ENOX1: variants seen among roughly 807,000 people sequenced by gnomAD.
ENOX1 encodes candidate growth-related and time keeping constitutive hydroquinone (NADH) oxidase.
Under a neutral mutation model 82.5 loss-of-function variants are expected in ENOX1, and 42 were observed. The ratio of observed to expected loss-of-function variants is 0.51; its 90% CI spans 0.40 to 0.66. The LOEUF (loss-of-function observed/expected upper bound fraction) is 0.66. Among genes scored for constraint, ENOX1 ranks in the 30% least tolerant of loss-of-function variants. The pLI is 0.00. For synonymous variants in ENOX1, 271 were observed against 282.2 expected, an observed-to-expected ratio of 0.96 and a Z score of 0.40; for missense variants, 608 against 811.6, an observed-to-expected ratio of 0.75 and a Z score of 3.05.
At chr13:43,261,108 G>A (rs2044031015) in intron 14 of ENOX1, among the ~76,000 whole-genome samples, 1 of 152,154 alleles carries the variant, frequency 6.6e-6, no homozygotes, top group Non-Finnish European at 1.5e-5. Flanking sequence ...GGCAAGGGTT[G>A]GGCTTTTTAA....
intron 3 of ENOX1, among the ~76,000 whole-genome samples, chr13:43,417,322 G>C (rs967879968): frequency 2.6e-5 from 4 of 152,026 alleles, no homozygotes; most frequent in Non-Finnish European, 4.4e-5. Flanking sequence ...CATGTGCCTG[G>C]GATGGTGATT....
intron 2 of ENOX1, among the ~76,000 whole-genome samples, chr13:43,563,599 C>T (rs1052500287): frequency 2.0e-5 from 3 of 151,534 alleles, no homozygotes; most frequent in East Asian, 1.9e-4. Flanking sequence ...GTTGGTTTTT[C>T]GAAAAGTTAA....
intron 12 of ENOX1, among the ~76,000 whole-genome samples, chr13:43,277,872 C>T (rs1047710639): frequency 5.9e-5 from 9 of 152,048 alleles, no homozygotes; most frequent in Admixed American, 4.6e-4. Context: ...TTTTTTAGGA[C>T]CTCAGGAGGC....
chr13:43,759,132 T>C (rs1950822473), intron 1 of ENOX1, among the ~76,000 whole-genome samples: 1 of 141,846 alleles, frequency 7.0e-6, no homozygotes, highest in South Asian at 2.3e-4. Flanking sequence ...TGAGTCTCTC[T>C]GTGTCACACA....
At chr13:43,269,417 T>C (rs1400494399) in intron 13 of ENOX1, 53 bp downstream of exon 13, 1 of 1,329,332 alleles carries the variant, frequency 7.5e-7, no homozygotes, top group Middle Eastern at 1.8e-4. Context: ...AAGGGAGGTA[T>C]GCAATGGGGT....
intron 2 of ENOX1, among the ~76,000 whole-genome samples, chr13:43,523,207 C>T (rs568603677): frequency 4.7e-4 from 72 of 152,222 alleles, no homozygotes; most frequent in African/African-American, 1.7e-3. Flanking sequence ...ATCTGAGGTG[C>T]ATATTAAAAA....
chr13:43,406,867 T>A (rs926012006), intron 5 of ENOX1, among the ~76,000 whole-genome samples: 2 of 152,102 alleles, frequency 1.3e-5, no homozygotes, highest in Admixed American at 6.5e-5. Context: ...GTAAAAGATG[T>A]GCATCACCCC....
intron 5 of ENOX1, among the ~76,000 whole-genome samples, chr13:43,405,819 C>T (rs1465292494): frequency 6.6e-6 from 1 of 152,228 alleles, no homozygotes; most frequent in Non-Finnish European, 1.5e-5. Flanking sequence ...ATAGGGGTTA[C>T]AAACATGCTC....
chr13:43,593,154 T>G (rs1295337900), intron 2 of ENOX1, among the ~76,000 whole-genome samples: 1 of 152,172 alleles, frequency 6.6e-6, no homozygotes, highest in Non-Finnish European at 1.5e-5. Flanking sequence ...TGACAAAGAT[T>G]GTTGTCTGGA....
intron 14 of ENOX1, among the ~76,000 whole-genome samples, chr13:43,244,835 C>A (rs903330716): frequency 2.6e-5 from 4 of 152,308 alleles, no homozygotes; most frequent in Admixed American, 2.6e-4. Context: ...TGTTCCATGG[C>A]CTTCTTGTGC....
intron 1 of ENOX1, among the ~76,000 whole-genome samples, chr13:43,768,040 TATTACATAAC>T (rs1372831313): frequency 6.6e-6 from 1 of 152,236 alleles, no homozygotes; most frequent in Non-Finnish European, 1.5e-5. Flanking sequence ...ACTGGTTCTG[TATTACATAAC>T]TCCATTCCAG....
At position 43,572,799 on chromosome 13, in the gene ENOX1, A is replaced by T. The variant is rs145374192; in HGVS notation, c.-218-88647T>A. On this transcript the variant is annotated intron_variant, in intron 2 of 16. Transcript: ENST00000690772. ...GCATAGCTGAGCCACCACAGCTTTC[A>T]GCTGTAATCCTCCTGGCATCTATCC... 1.7e-3 allele frequency among the ~76,000 whole-genome samples: 262 copies of T among 152,326 alleles called. 1 individual carries two copies. The highest frequency in any genetic ancestry group is 6.1e-3 in the African/African-American group (253 of 41,574).
intron 2 of ENOX1, among the ~76,000 whole-genome samples, chr13:43,513,664 G>A (rs1205625753): frequency 1.3e-5 from 2 of 152,044 alleles, no homozygotes; most frequent in East Asian, 3.9e-4. Flanking sequence ...ATTAATAGAT[G>A]ATAGGTCAGG....
intron 1 of ENOX1, among the ~76,000 whole-genome samples, chr13:43,748,412 T>C (rs908796940): frequency 2.0e-5 from 3 of 152,216 alleles, no homozygotes; most frequent in South Asian, 2.1e-4. Context: ...TTCTGATATG[T>C]AGGAATTATT....
At chr13:43,374,851 C>T (rs1460499557) in intron 5 of ENOX1, among the ~76,000 whole-genome samples, 5 of 152,208 alleles carry the variant, frequency 3.3e-5, no homozygotes, top group African/African-American at 1.2e-4. Context: ...GTGGTTTACA[C>T]TATCCTGCTG....
chr13:43,616,204 A>ATATATATATATATTT (rs1457149422), intron 2 of ENOX1, among the ~76,000 whole-genome samples: 5 of 15,316 alleles, frequency 3.3e-4, no homozygotes, highest in Admixed American at 3.2e-3. Context: ...ATATATATAT[A>ATATATATATATATTT]TTTTTTTTTT....
intron 2 of ENOX1, among the ~76,000 whole-genome samples, chr13:43,640,423 A>G (rs2153765661): frequency 6.6e-6 from 1 of 152,296 alleles, no homozygotes; most frequent in Non-Finnish European, 1.5e-5. Flanking sequence ...CTGTTATTGC[A>G]TCCAGCAATC....
chr13:43,737,107 T>C (rs1483163765), intron 1 of ENOX1, among the ~76,000 whole-genome samples: 2 of 152,190 alleles, frequency 1.3e-5, no homozygotes, highest in African/African-American at 4.8e-5. Flanking sequence ...TACTTTCCAA[T>C]ACCAAGGCAA....
intron 2 of ENOX1, among the ~76,000 whole-genome samples, chr13:43,490,288 A>T (rs9567198): frequency 0.21 from 31,431 of 152,116 alleles, 3,982 homozygotes; most frequent in African/African-American, 0.35. Flanking sequence ...GTTTAACTTC[A>T]CAGGTTCATA....
Sources: gnomAD v4.1 joint callset for allele counts (sites outside exome capture counted in the v4.1 genomes callset) on GRCh38, gnomAD v4.1.1 for gene constraint, MANE v1.5 for transcripts, NCBI Gene and HGNC (gene_info 2026-07-23, HGNC 2026-07-21) for gene names.